MYO1H: variants seen among roughly 807,000 people sequenced by gnomAD.
MYO1H encodes myosin IH, also known as unconventional myosin-Ih.
A neutral mutation model predicts 149.3 loss-of-function variants in MYO1H; 118 were observed. That is an observed-to-expected ratio of 0.79 (90% CI 0.68 to 0.92). The LOEUF is 0.92. MYO1H is among the 40% of genes least tolerant of loss of function. The pLI is 0.00. For synonymous variants in MYO1H, 447 were observed against 465.2 expected (o/e 0.96, Z 0.50); for missense variants, 1,212 against 1,280.7 (o/e 0.95, Z 0.82).
At chr12:109,401,049 G>A in intron 5 of MYO1H, 44 bp from the exon 6 acceptor site, 1 of 1,568,458 alleles carries the variant, frequency 6.4e-7, no homozygotes, top group South Asian at 1.1e-5. Context: ...GGAAGAGAGT[G>A]GTTTGATTGT....
the MYO1H span, among the ~76,000 whole-genome samples, chr12:109,318,770 G>C: frequency 6.6e-6 from 1 of 152,106 alleles, no homozygotes; most frequent in Non-Finnish European, 1.5e-5. Context: ...GTGGTGCCCT[G>C]GGTTGGATCC....
chr12:109,422,525 G>T (rs1566036870), intron 16 of MYO1H, among the ~76,000 whole-genome samples: 1 of 152,170 alleles, frequency 6.6e-6, no homozygotes, highest in Non-Finnish European at 1.5e-5. Context: ...ACAAATGGGC[G>T]ACAGCGTTTC....
the MYO1H span, among the ~76,000 whole-genome samples, chr12:109,334,722 T>C: frequency 1.3e-5 from 2 of 152,230 alleles, no homozygotes; most frequent in Non-Finnish European, 2.9e-5. Context: ...AGTTCTGTGA[T>C]CAGTTTTTTC....
intron 1 of MYO1H, among the ~76,000 whole-genome samples, chr12:109,385,478 A>G (rs1869286092): frequency 3.3e-5 from 5 of 152,008 alleles, no homozygotes. Flanking sequence ...TTTTTAGTAG[A>G]GACAGAGTTT....
intron 5 of MYO1H, among the ~76,000 whole-genome samples, chr12:109,399,967 C>T (rs1160170451): frequency 6.6e-6 from 1 of 152,162 alleles, no homozygotes; most frequent in Non-Finnish European, 1.5e-5. Flanking sequence ...ACACACTCCC[C>T]CTTCCCACTG....
At chr12:109,447,229 G>C (rs1872524189) in exon 32 of MYO1H, 1 of 1,549,628 alleles carries the variant, frequency 6.5e-7, no homozygotes, top group South Asian at 1.2e-5. Context: ...TGCTCCAACT[G>C]AGGAAACTAC....
At chr12:109,445,684 A>G in intron 31 of MYO1H, 72 bp downstream of exon 31, 1 of 1,540,166 alleles carries the variant, frequency 6.5e-7, no homozygotes, top group Non-Finnish European at 8.7e-7. Context: ...TACCAATTTC[A>G]GTCCTGTAGA....
At chr12:109,407,699 T>C in intron 9 of MYO1H, 95 bp from the exon 10 acceptor site, 1 of 1,327,666 alleles carries the variant, frequency 7.5e-7, no homozygotes, top group Non-Finnish European at 1.0e-6. Context: ...CCCTGTCTCA[T>C]TATTTTATTT....
chr12:109,340,906 G>A, the MYO1H span, among the ~76,000 whole-genome samples: 11 of 152,090 alleles, frequency 7.2e-5, no homozygotes, highest in Non-Finnish European at 1.6e-4. Context: ...CCTTTTCATG[G>A]CCAGGCTCAG....
At chr12:109,372,892 A>G (rs756693275) in intron 1 of MYO1H, among the ~76,000 whole-genome samples, 1 of 152,084 alleles carries the variant, frequency 6.6e-6, no homozygotes. Flanking sequence ...CCAAGAACAT[A>G]GTATATCTTT....
intron 1 of MYO1H, among the ~76,000 whole-genome samples, chr12:109,362,377 T>C (rs1015535141): frequency 3.9e-5 from 6 of 152,262 alleles, no homozygotes; most frequent in South Asian, 2.1e-4. Context: ...TTGAAAATTA[T>C]GTCATCCACT....
At chr12:109,389,627 A>G (rs1017439875) in intron 2 of MYO1H, among the ~76,000 whole-genome samples, 9 of 152,180 alleles carry the variant, frequency 5.9e-5, no homozygotes, top group Admixed American at 3.9e-4. Context: ...TTCAAAAGCT[A>G]GTTTTCGTTA....
chr12:109,327,134 C>CTT, the MYO1H span, among the ~76,000 whole-genome samples: 17 of 94,740 alleles, frequency 1.8e-4, no homozygotes, highest in Non-Finnish European at 2.9e-4. Context: ...TTTTCTTTTT[C>CTT]TTTTTTTTTT....
chr12:109,360,343 G>A (rs542915334), intron 1 of MYO1H, among the ~76,000 whole-genome samples: 2 of 152,072 alleles, frequency 1.3e-5, no homozygotes, highest in African/African-American at 4.8e-5. Flanking sequence ...CTGGTGCCTC[G>A]TGAATCAATG....
chr12:109,436,185 G>A (rs73194251), intron 21 of MYO1H, among the ~76,000 whole-genome samples: 8,051 of 152,164 alleles, frequency 0.053, 302 homozygotes, highest in Middle Eastern at 0.085. Flanking sequence ...GTGGGGTGGC[G>A]TATGAGAATG....
the MYO1H span, among the ~76,000 whole-genome samples, chr12:109,341,803 TC>T: frequency 6.6e-6 from 1 of 152,184 alleles, no homozygotes; most frequent in African/African-American, 2.4e-5. Flanking sequence ...ATTGTTTGAC[TC>T]CCTGGGTTAT....
In MYO1H at chr12:109,418,654, T is replaced by C. The variant is rs899705171; in HGVS notation, c.1598-2327T>C. Among the ~76,000 whole-genome samples the C allele has an allele frequency of 4.6e-5, 7 of 152,050 alleles. No individual in the cohort carries two copies. In the South Asian group the frequency reaches 1.5e-3, roughly 32 times the overall value. ...AGCTCTGCCTCCTGGGTTTGCACCA[T>C]TCTCCTGCCTCAGCCTCCCTAGTAG... On this transcript the variant is annotated intron_variant, in intron 15 of 31. Transcript: ENST00000310903.
chr12:109,444,082 C>T (rs1256896578), intron 28 of MYO1H, 131 bp from the exon 29 acceptor site: 13 of 730,524 alleles, frequency 1.8e-5, no homozygotes, highest in Non-Finnish European at 2.9e-5. Context: ...CTAAAGTATG[C>T]CCTTCATCCT....
the MYO1H span, among the ~76,000 whole-genome samples, chr12:109,311,600 A>T: frequency 6.6e-6 from 1 of 152,210 alleles, no homozygotes; most frequent in Non-Finnish European, 1.5e-5. Context: ...GCAAATGAGG[A>T]CACCTGTACT....
Sources: gnomAD v4.1 joint callset for allele counts (sites outside exome capture counted in the v4.1 genomes callset) on GRCh38, gnomAD v4.1.1 for gene constraint, MANE v1.5 for transcripts, NCBI Gene and HGNC (gene_info 2026-07-23, HGNC 2026-07-21) for gene names.